Variants in HECW2 observed in about 807,000 individuals in gnomAD.
HECW2 encodes E3 ubiquitin-protein ligase HECW2.
In HECW2, 61 loss-of-function variants were observed where a neutral mutation model predicts 175.2. The observed-to-expected ratio is 0.35, with a 90% CI of 0.28 to 0.43. The LOEUF is 0.43. Ranked by LOEUF, HECW2 falls within the 20% of genes least tolerant of loss-of-function variation. The pLI is 1.00. For missense variants in HECW2, 1,524 were observed against 2,000.5 expected (o/e 0.76, Z 4.54); for synonymous variants, 671 against 731.0 (o/e 0.92, Z 1.32).
intron 2 of HECW2, among the ~76,000 whole-genome samples, chr2:196,379,919 G>A (rs939330051): frequency 6.7e-6 from 1 of 149,198 alleles, no homozygotes; most frequent in Non-Finnish European, 1.5e-5. Flanking sequence ...AAAAAAGGAT[G>A]AGGGGAGAAG....
chr2:196,393,347 C>T (rs1694567166), intron 2 of HECW2, among the ~76,000 whole-genome samples: 1 of 152,080 alleles, frequency 6.6e-6, no homozygotes. Flanking sequence ...AAGAAACTAC[C>T]ATCAGAGTGA....
intron 1 of HECW2, among the ~76,000 whole-genome samples, chr2:196,480,434 C>T (rs1243996797): frequency 2.6e-5 from 4 of 152,102 alleles, no homozygotes; most frequent in South Asian, 2.1e-4. Context: ...TAAAATTGGG[C>T]GAGGCCTCCC....
intron 2 of HECW2, among the ~76,000 whole-genome samples, chr2:196,400,991 A>G (rs948317913): frequency 6.6e-6 from 1 of 152,238 alleles, no homozygotes; most frequent in African/African-American, 2.4e-5. Context: ...AGAAACTTCT[A>G]ATTTATTTCG....
At chr2:196,530,918 C>G (rs1396312967) in intron 1 of HECW2, among the ~76,000 whole-genome samples, 1 of 152,148 alleles carries the variant, frequency 6.6e-6, no homozygotes. Context: ...ATACACTATC[C>G]TCTTACCATG....
intron 1 of HECW2, among the ~76,000 whole-genome samples, chr2:196,566,621 T>G (rs2125507248): frequency 6.7e-6 from 1 of 149,150 alleles, no homozygotes; most frequent in African/African-American, 2.5e-5. Flanking sequence ...AACCTCTGCC[T>G]CCCCAGGGTC....
chr2:196,221,749 A>G (rs1687678393), intron 24 of HECW2, among the ~76,000 whole-genome samples: 1 of 152,054 alleles, frequency 6.6e-6, no homozygotes, highest in African/African-American at 2.4e-5. Flanking sequence ...TTGTAGAGAT[A>G]GGGTTTCACC....
chr2:196,486,260 A>G (rs1476291366), intron 1 of HECW2, among the ~76,000 whole-genome samples: 1 of 152,240 alleles, frequency 6.6e-6, no homozygotes, highest in Non-Finnish European at 1.5e-5. Flanking sequence ...ATGGAGTCAC[A>G]ACATTTCTCT....
Position 196,318,766 on chromosome 2 carries a change from A to C in HECW2, c.2124T>G (p.Pro708=). ...QESVCTAGSL[P]VVQVPSGEDE... ...CCTCCCCACTGGGCACCTGTACCAC[A>C]GGTAAAGAACCAGCAGTGCACACGG... Residue 708 remains proline, a synonymous_variant, in exon 9 of 29, where the codon CCT becomes CCG. Transcript: ENST00000644978. The C allele has an allele frequency of 6.6e-7, 1 of 1,526,228 alleles. No homozygotes were observed. The highest frequency in any genetic ancestry group is 8.8e-7 in the Non-Finnish European group (1 of 1,135,952). 94.5% of individuals were successfully genotyped at this position (1,526,228 alleles called of 1,614,324 possible).
At chr2:196,423,684 TTGTGTGTGTGTG>T (rs60030164) in intron 2 of HECW2, among the ~76,000 whole-genome samples, 2 of 139,946 alleles carry the variant, frequency 1.4e-5, no homozygotes, top group Non-Finnish European at 3.1e-5. Flanking sequence ...TAGTATTCCA[TTGTGTGTGTGTG>T]TGTGTGTGTG....
intron 1 of HECW2, among the ~76,000 whole-genome samples, chr2:196,543,678 T>A (rs1689303912): frequency 6.6e-6 from 1 of 152,152 alleles, no homozygotes; most frequent in Non-Finnish European, 1.5e-5. Context: ...AGTAGCGCAA[T>A]CTTGGCTCAC....
intron 2 of HECW2, among the ~76,000 whole-genome samples, chr2:196,411,905 G>A (rs1191593386): frequency 6.6e-6 from 1 of 152,228 alleles, no homozygotes; most frequent in African/African-American, 2.4e-5. Flanking sequence ...AGCTACTTGG[G>A]AGGCTGAAGC....
intron 5 of HECW2, among the ~76,000 whole-genome samples, chr2:196,329,251 T>A (rs1025294157): frequency 6.6e-6 from 1 of 152,170 alleles, no homozygotes; most frequent in Admixed American, 6.5e-5. Flanking sequence ...TTTCTCTAGC[T>A]GAAGTAAGAA....
chr2:196,373,310 G>T (rs1290112460), intron 2 of HECW2, among the ~76,000 whole-genome samples: 1 of 152,144 alleles, frequency 6.6e-6, no homozygotes, highest in Non-Finnish European at 1.5e-5. Context: ...AAAAAGAATT[G>T]CCTGTTTTCA....
At chr2:196,492,605 T>A (rs1687240514) in intron 1 of HECW2, among the ~76,000 whole-genome samples, 1 of 152,184 alleles carries the variant, frequency 6.6e-6, no homozygotes, top group South Asian at 2.1e-4. Flanking sequence ...GGGAGTGGAA[T>A]CCTTATGAAA....
At chr2:196,469,120 C>CGCGTGT in intron 1 of HECW2, among the ~76,000 whole-genome samples, 1 of 144,828 alleles carries the variant, frequency 6.9e-6, no homozygotes, top group South Asian at 2.2e-4. Context: ...TGTGTGTGTG[C>CGCGTGT]GTGTGTGTGT....
chr2:196,236,980 T>C (rs1688275728), intron 21 of HECW2, among the ~76,000 whole-genome samples: 1 of 152,152 alleles, frequency 6.6e-6, no homozygotes, highest in Non-Finnish European at 1.5e-5. Context: ...ATGCTGATTG[T>C]ATGGAAATAT....
Position 196,484,496 on chromosome 2 carries a change from T to C in HECW2, c.-35-51038A>G, listed in dbSNP as rs138357643. Among the ~76,000 whole-genome samples the C allele has an allele frequency of 9.9e-5, 15 of 152,006 alleles. No individual in the cohort carries two copies. The East Asian group carries it at 2.9e-3, about 29-fold the overall frequency. On this transcript the variant is annotated intron_variant, in intron 1 of 28. Coordinates refer to ENST00000644978, the MANE Select transcript of HECW2 (RefSeq NM_001348768.2). ...CCTGCAGGACTGCACTTAATGGGAG[T>C]TCACTATTCACTCTGCGGTCCCTCC...
chr2:196,470,651 G>A (rs1291122439), intron 1 of HECW2, among the ~76,000 whole-genome samples: 1 of 152,112 alleles, frequency 6.6e-6, no homozygotes, highest in Non-Finnish European at 1.5e-5. Context: ...AGATAGGGAA[G>A]CACTTATTCT....
intron 1 of HECW2, among the ~76,000 whole-genome samples, chr2:196,577,262 A>T (rs1489789070): frequency 6.6e-6 from 1 of 152,056 alleles, no homozygotes; most frequent in Non-Finnish European, 1.5e-5. Flanking sequence ...ATAAGGAAAA[A>T]ATTAGGTGTG....
Sources: gnomAD v4.1 joint callset for allele counts (sites outside exome capture counted in the v4.1 genomes callset) on GRCh38, gnomAD v4.1.1 for gene constraint, MANE v1.5 for transcripts, NCBI Gene and HGNC (gene_info 2026-07-23, HGNC 2026-07-21) for gene names.